CAMK2D: variants seen among roughly 807,000 people sequenced by gnomAD.
CAMK2D encodes calcium/calmodulin dependent protein kinase II delta, also known as calcium/calmodulin-dependent protein kinase type II subunit delta.
CAMK2D carries 37 observed loss-of-function variants against 84.0 expected under a neutral mutation model. That is an observed-to-expected ratio of 0.44 (90% CI 0.34 to 0.58). The LOEUF (loss-of-function observed/expected upper bound fraction) is 0.58. Among genes scored for constraint, CAMK2D ranks in the 20% least tolerant of loss-of-function variants. CAMK2D has a pLI of 0.02. For missense variants in CAMK2D, 448 were observed against 652.5 expected, an observed-to-expected ratio of 0.69 and a Z score of 3.41; for synonymous variants, 202 against 212.5, an observed-to-expected ratio of 0.95 and a Z score of 0.43.
At position 113,612,417 on chromosome 4, in the gene CAMK2D, C is replaced by T. The variant is rs1008920211; in HGVS notation, c.221-3211G>A. Among the ~76,000 whole-genome samples the T allele has an allele frequency of 3.3e-5, 5 of 152,164 alleles. No individual in the cohort carries two copies. In the South Asian group the frequency reaches 6.2e-4, roughly 19 times the overall value. ...ATAAATAACTGTCAATTCATTTTCA[C>T]ACCAAAGGAATAACACAACATTCTG... On this transcript the variant is annotated intron_variant, in intron 3 of 20. Coordinates refer to ENST00000511664, the MANE Select transcript of CAMK2D (RefSeq NM_001321571.2).
intron 16 of CAMK2D, among the ~76,000 whole-genome samples, chr4:113,495,998 G>T (rs2097922891): frequency 6.6e-6 from 1 of 152,176 alleles, no homozygotes; most frequent in Non-Finnish European, 1.5e-5. Context: ...AGGAGGAAGT[G>T]GGTGACTCTG....
chr4:113,752,915 C>T (rs1414669355), intron 2 of CAMK2D, among the ~76,000 whole-genome samples: 1 of 152,078 alleles, frequency 6.6e-6, no homozygotes, highest in Non-Finnish European at 1.5e-5. Context: ...CCCCACACTG[C>T]AATGGGAAGA....
intron 4 of CAMK2D, among the ~76,000 whole-genome samples, chr4:113,561,300 C>A (rs1025607307): frequency 2.0e-5 from 3 of 151,916 alleles, no homozygotes; most frequent in Non-Finnish European, 4.4e-5. Context: ...ATAGTGAGAC[C>A]CCGTATCTAT....
At chr4:113,463,439 C>T (rs902659047) in intron 17 of CAMK2D, among the ~76,000 whole-genome samples, 1 of 152,056 alleles carries the variant, frequency 6.6e-6, no homozygotes, top group African/African-American at 2.4e-5. Flanking sequence ...TGCAATGGTG[C>T]GATCTCAGCT....
intron 17 of CAMK2D, among the ~76,000 whole-genome samples, chr4:113,461,099 A>C (rs561439236): frequency 6.6e-5 from 10 of 152,332 alleles, no homozygotes; most frequent in Non-Finnish European, 1.3e-4. Flanking sequence ...TGTCCACAAG[A>C]CTTACATCTT....
At chr4:113,652,721 T>G (rs1293500105) in intron 3 of CAMK2D, among the ~76,000 whole-genome samples, 1 of 152,166 alleles carries the variant, frequency 6.6e-6, no homozygotes, top group Non-Finnish European at 1.5e-5. Context: ...GTTAGGGGAT[T>G]CTACCCTGAA....
At chr4:113,750,281 T>G (rs1229458452) in intron 2 of CAMK2D, among the ~76,000 whole-genome samples, 1 of 151,786 alleles carries the variant, frequency 6.6e-6, no homozygotes, top group Admixed American at 6.6e-5. Flanking sequence ...AAGGAGAGAG[T>G]ACTGCAACAG....
intron 3 of CAMK2D, among the ~76,000 whole-genome samples, chr4:113,643,699 C>T (rs2099141011): frequency 1.3e-5 from 2 of 152,228 alleles, no homozygotes; most frequent in African/African-American, 2.4e-5. Context: ...TTCCTCCCAC[C>T]GACCATCTTG....
chr4:113,587,432 A>G (rs1056667895), intron 4 of CAMK2D, among the ~76,000 whole-genome samples: 1 of 152,148 alleles, frequency 6.6e-6, no homozygotes, highest in Non-Finnish European at 1.5e-5. Context: ...TCTTATTCAC[A>G]TAGTTAGGTT....
intron 2 of CAMK2D, among the ~76,000 whole-genome samples, chr4:113,676,933 A>C (rs1460866825): frequency 6.6e-6 from 1 of 152,172 alleles, no homozygotes; most frequent in African/African-American, 2.4e-5. Context: ...AGTTGTATTA[A>C]ATCAATTCCT....
intron 3 of CAMK2D, among the ~76,000 whole-genome samples, chr4:113,626,847 A>G (rs1330572413): frequency 6.6e-6 from 1 of 152,174 alleles, no homozygotes; most frequent in Non-Finnish European, 1.5e-5. Context: ...AACTCTCTTC[A>G]GTGGAGATTT....
At chr4:113,638,000 C>T (rs958752019) in intron 3 of CAMK2D, among the ~76,000 whole-genome samples, 1 of 152,192 alleles carries the variant, frequency 6.6e-6, no homozygotes, top group Non-Finnish European at 1.5e-5. Flanking sequence ...CTCCATCCTC[C>T]TTCTCCCAAA....
intron 6 of CAMK2D, among the ~76,000 whole-genome samples, chr4:113,539,475 C>T (rs1014552442): frequency 2.9e-4 from 44 of 152,210 alleles, no homozygotes; most frequent in African/African-American, 9.9e-4. Flanking sequence ...AGTGTGTTTT[C>T]ACTCTTATCA....
At chr4:113,579,551 A>T (rs985818499) in intron 4 of CAMK2D, among the ~76,000 whole-genome samples, 1 of 152,110 alleles carries the variant, frequency 6.6e-6, no homozygotes, top group African/African-American at 2.4e-5. Flanking sequence ...GATTGTTAAA[A>T]GACCCTGGTA....
chr4:113,611,134 A>G (rs1198306543), intron 3 of CAMK2D, among the ~76,000 whole-genome samples: 2 of 152,098 alleles, frequency 1.3e-5, no homozygotes, highest in African/African-American at 4.8e-5. Context: ...CATCACTTTA[A>G]TGGTGTGAAA....
intron 12 of CAMK2D, 36 bp downstream of exon 12, chr4:113,513,290 GAC>G (rs1277641230): frequency 6.2e-7 from 1 of 1,602,950 alleles, no homozygotes; most frequent in Non-Finnish European, 8.5e-7. Context: ...TTAAAAAGAA[GAC>G]CAAGGGATAA....
chr4:113,548,694 T>C, intron 5 of CAMK2D: 1 of 1,586,952 alleles, frequency 6.3e-7, no homozygotes, highest in Non-Finnish European at 8.7e-7. Context: ...TAGGTGACAA[T>C]GATTAACACT....
At chr4:113,458,578 G>T (rs968546257) in intron 18 of CAMK2D, among the ~76,000 whole-genome samples, 2 of 152,122 alleles carry the variant, frequency 1.3e-5, no homozygotes, top group African/African-American at 2.4e-5. Flanking sequence ...AGATGGTGTC[G>T]ATAGAGAGTT....
chr4:113,589,143 G>C (rs1561188755), intron 4 of CAMK2D, among the ~76,000 whole-genome samples: 1 of 152,112 alleles, frequency 6.6e-6, no homozygotes, highest in Non-Finnish European at 1.5e-5. Flanking sequence ...GTCAGAAGGA[G>C]AGCAGTAGGC....
Sources: gnomAD v4.1 joint callset for allele counts (sites outside exome capture counted in the v4.1 genomes callset) on GRCh38, gnomAD v4.1.1 for gene constraint, MANE v1.5 for transcripts, NCBI Gene and HGNC (gene_info 2026-07-23, HGNC 2026-07-21) for gene names.